The following TBC1D22A variants were observed in gnomAD, a reference collection of about 807,000 sequenced individuals.
TBC1D22A encodes TBC1 domain family member 22A.
A neutral mutation model predicts 60.2 loss-of-function variants in TBC1D22A; 38 were observed. The observed-to-expected ratio is 0.63, with a 90% confidence interval of 0.49 to 0.83. The LOEUF (loss-of-function observed/expected upper bound fraction) is 0.83. Among genes scored for constraint, TBC1D22A ranks in the 40% least tolerant of loss-of-function variants. TBC1D22A has a pLI of 0.00. For synonymous variants in TBC1D22A, 302 were observed against 281.7 expected, an observed-to-expected ratio of 1.07 and a Z score of -0.72; for missense variants, 628 against 701.0, an observed-to-expected ratio of 0.90 and a Z score of 1.18.
chr22:46,908,241 C>A (rs1329900125), intron 7 of TBC1D22A, among the ~76,000 whole-genome samples: 1 of 152,048 alleles, frequency 6.6e-6, no homozygotes, highest in Non-Finnish European at 1.5e-5. Flanking sequence ...GCAGTGGAGT[C>A]GGGGGAAGGG....
At chr22:46,873,963 A>C (rs2067413521) in intron 4 of TBC1D22A, among the ~76,000 whole-genome samples, 2 of 151,984 alleles carry the variant, frequency 1.3e-5, no homozygotes, top group Non-Finnish European at 2.9e-5. Context: ...TGTGCAGCTA[A>C]TTTTGTTTTG....
intron 4 of TBC1D22A, among the ~76,000 whole-genome samples, chr22:46,865,012 C>T (rs926430061): frequency 2.6e-5 from 4 of 152,236 alleles, no homozygotes; most frequent in Admixed American, 1.3e-4. Flanking sequence ...ATACCTGTGG[C>T]ATCTGTCCAA....
At chr22:47,076,405 ACACAT>A (rs2064229756) in intron 11 of TBC1D22A, among the ~76,000 whole-genome samples, 1 of 110,814 alleles carries the variant, frequency 9.0e-6, no homozygotes, top group Admixed American at 1.1e-4. Flanking sequence ...ACACACACAC[ACACAT>A]ATATATATAT....
At chr22:46,789,299 G>T in intron 1 of TBC1D22A, 1 of 387,336 alleles carries the variant, frequency 2.6e-6, no homozygotes, top group Non-Finnish European at 5.4e-6. Flanking sequence ...CTAATTTTTT[G>T]TATTTTTCAT....
At chr22:46,910,831 C>T (rs904625117) in intron 7 of TBC1D22A, among the ~76,000 whole-genome samples, 5 of 150,144 alleles carry the variant, frequency 3.3e-5, no homozygotes, top group African/African-American at 1.2e-4. Flanking sequence ...ACGGGCTGAT[C>T]ACTCAGGGGG....
At chr22:46,805,129 G>A (rs866484396) in intron 4 of TBC1D22A, among the ~76,000 whole-genome samples, 1 of 152,186 alleles carries the variant, frequency 6.6e-6, no homozygotes, top group African/African-American at 2.4e-5. Flanking sequence ...CCATTAGACT[G>A]TGATCCTCTC....
At chr22:46,932,829 A>T (rs915595333) in intron 8 of TBC1D22A, among the ~76,000 whole-genome samples, 1 of 148,572 alleles carries the variant, frequency 6.7e-6, no homozygotes, top group Admixed American at 6.8e-5. Flanking sequence ...GGTTCAAGCA[A>T]TTCTCCTGCC....
chr22:47,110,264 G>A (rs13057743), intron 11 of TBC1D22A, among the ~76,000 whole-genome samples: 37,981 of 152,074 alleles, frequency 0.25, 5,339 homozygotes, highest in Non-Finnish European at 0.33. Context: ...TGGATCACCG[G>A]AGGTCAGGAG....
At chr22:46,776,287 C>T (rs928912356) in intron 1 of TBC1D22A, among the ~76,000 whole-genome samples, 5 of 152,162 alleles carry the variant, frequency 3.3e-5, no homozygotes, top group African/African-American at 1.2e-4. Flanking sequence ...GTTTGGGAGC[C>T]TGGCGGGTCG....
At chr22:46,797,974 C>G (rs184363348) in intron 4 of TBC1D22A, among the ~76,000 whole-genome samples, 1 of 152,298 alleles carries the variant, frequency 6.6e-6, no homozygotes, top group East Asian at 1.9e-4. Context: ...TGGGCTCAAG[C>G]AATCCTCCTG....
At chr22:46,766,566 C>A (rs140496688) in intron 1 of TBC1D22A, among the ~76,000 whole-genome samples, 1 of 152,098 alleles carries the variant, frequency 6.6e-6, no homozygotes, top group African/African-American at 2.4e-5. Flanking sequence ...GATGGAGTCT[C>A]GCTCTGTCGC....
intron 4 of TBC1D22A, among the ~76,000 whole-genome samples, chr22:46,874,431 A>G (rs1198386122): frequency 6.6e-6 from 1 of 151,558 alleles, no homozygotes; most frequent in Non-Finnish European, 1.5e-5. Flanking sequence ...TTTCTCCATA[A>G]CCTCACCACC....
chr22:47,038,233 C>G (rs1486036634), intron 11 of TBC1D22A, among the ~76,000 whole-genome samples: 1 of 152,232 alleles, frequency 6.6e-6, no homozygotes. Context: ...CCCGGCACCT[C>G]AAGAGCCAGG....
At chr22:47,140,218 A>G (rs1160791516) in intron 12 of TBC1D22A, among the ~76,000 whole-genome samples, 3 of 151,652 alleles carry the variant, frequency 2.0e-5, no homozygotes, top group Admixed American at 6.6e-5. Context: ...GAGTCTGCCT[A>G]TTCTTCTCGG....
intron 9 of TBC1D22A, among the ~76,000 whole-genome samples, chr22:46,983,848 A>G (rs1189419608): frequency 5.3e-5 from 8 of 151,964 alleles, no homozygotes; most frequent in Admixed American, 3.3e-4. Flanking sequence ...ATTAGTAGCT[A>G]TGTTTCGGGG....
intron 12 of TBC1D22A, among the ~76,000 whole-genome samples, chr22:47,168,645 T>C (rs2068299484): frequency 6.6e-6 from 1 of 152,074 alleles, no homozygotes. Flanking sequence ...CACTCAGAGC[T>C]CAGGGTCTCG....
intron 4 of TBC1D22A, among the ~76,000 whole-genome samples, chr22:46,832,380 G>A (rs1335132017): frequency 6.6e-6 from 1 of 152,266 alleles, no homozygotes; most frequent in African/African-American, 2.4e-5. Flanking sequence ...GCCGGGCGCA[G>A]TGGCTCACGC....
intron 10 of TBC1D22A, among the ~76,000 whole-genome samples, chr22:47,002,467 C>T (rs2061436290): frequency 6.6e-6 from 1 of 152,098 alleles, no homozygotes; most frequent in African/African-American, 2.4e-5. Flanking sequence ...ACATAGATGA[C>T]GTCTGTATAA....
Position 46,840,353 on chromosome 22 carries a change from G to A in TBC1D22A, c.638-38300G>A, listed in dbSNP as rs532364176. Among the ~76,000 whole-genome samples, 5 of 152,306 alleles carry A rather than the reference G, an allele frequency of 3.3e-5. No individual in the cohort carries two copies. The South Asian group carries it at 8.3e-4, about 25-fold the overall frequency. On this transcript the variant is annotated intron_variant, in intron 4 of 12. Coordinates refer to ENST00000337137, the MANE Select transcript of TBC1D22A (RefSeq NM_014346.5). ...ACATACAGATTATCAATAGGTATATGAAAAGGGGCTCAACATCACTAATCA... is the reference window on the plus strand; with the variant it reads ...ACATACAGATTATCAATAGGTATATAAAAAGGGGCTCAACATCACTAATCA...
Sources: allele counts gnomAD v4.1 joint callset (sites outside exome capture counted in the v4.1 genomes callset), GRCh38; gene constraint gnomAD v4.1.1; transcripts MANE v1.5; gene names NCBI Gene and HGNC (gene_info 2026-07-23, HGNC 2026-07-21).